PAQR7: variants seen among roughly 807,000 people sequenced by gnomAD.
PAQR7 encodes progestin and adipoQ receptor family member 7, also known as membrane progestin receptor alpha.
A neutral mutation model predicts 24.6 loss-of-function variants in PAQR7; 14 were observed. That is an observed-to-expected ratio of 0.57 (90% CI 0.38 to 0.89). The LOEUF (loss-of-function observed/expected upper bound fraction) is 0.89. Ranked by LOEUF, PAQR7 falls within the 40% of genes least tolerant of loss-of-function variation. The probability of loss-of-function intolerance (pLI) is 0.00; values close to 1 mark genes in which losing one functional copy is unlikely to be tolerated. For synonymous variants in PAQR7, 189 were observed against 198.8 expected (o/e 0.95, Z 0.42); for missense variants, 351 against 444.0 (o/e 0.79, Z 1.88).
chr1:25,868,853 G>A (rs2048579831), intron 2 of PAQR7, among the ~76,000 whole-genome samples: 1 of 151,336 alleles, frequency 6.6e-6, no homozygotes, highest in Admixed American at 6.6e-5. Flanking sequence ...TTGAGGCCGG[G>A]CGCAGTGGCT....
intron 2 of PAQR7, among the ~76,000 whole-genome samples, chr1:25,865,893 G>A (rs111810672): frequency 0.039 from 5,883 of 151,910 alleles, 376 homozygotes; most frequent in African/African-American, 0.13. Context: ...GGCTGAGGCA[G>A]GAGAATTACT....
Position 25,863,013 on chromosome 1 carries a change from T to A in PAQR7, c.827A>T (p.Gln276Leu). ...GSCHVFGQGH[Q>L]LFHIFLVLCT... ...CAGCACCAAGAAGATGTGGAAAAGT[T>A]GGTGGCCCTGCCCGAAGACATGGCA... Residue 276 changes from glutamine (Q) to leucine (L), a missense_variant, in exon 3 of 3, where the codon CAA (glutamine) becomes CTA (leucine). Transcript: ENST00000675840. The surrounding 1 kb of genome is among the most constrained non-coding windows in gnomAD (Gnocchi z 6.1). The A allele has an allele frequency of 6.2e-7, 1 of 1,614,094 alleles. No individual in the cohort carries two copies. Among genetic ancestry groups the A allele is most frequent in the African/African-American group, 1.3e-5 (1 of 75,038 alleles).
Position 25,863,891 on chromosome 1 carries a change from G to C in PAQR7, c.-22-30C>G, listed in dbSNP as rs1276896333. On this transcript the variant is annotated intron_variant, in intron 2 of 2. Transcript: ENST00000675840. This position sits in a 1 kb window ranked among gnomAD's most constrained non-coding sequence, Gnocchi z 6.1. Reference sequence around the variant, plus strand: ...GAGAGAGACCAGAGCAAAGTCAGGGGCCTGGTGTCCTCACCCCCACGAGCA... The same window carrying C: ...GAGAGAGACCAGAGCAAAGTCAGGGCCCTGGTGTCCTCACCCCCACGAGCA... 6.5e-7 allele frequency: 1 copy of C among 1,530,872 alleles called. No homozygotes were observed. Among genetic ancestry groups the C allele is most frequent in the Non-Finnish European group, 8.8e-7 (1 of 1,137,068 alleles). 94.8% of individuals were successfully genotyped at this position (1,530,872 alleles called of 1,614,324 possible). A position where few individuals can be genotyped will look rare whatever the true frequency, so the allele number is the denominator to read the frequency against.
rs756537005 is a variant in PAQR7 at position 25,863,518 on chromosome 1, A to C, written c.322T>G (p.Phe108Val). The C allele has an allele frequency of 6.2e-7, 1 of 1,614,190 alleles. No individual in the cohort carries two copies. The highest frequency in any genetic ancestry group is 8.5e-7 in the Non-Finnish European group (1 of 1,180,026). Residue 108 changes from phenylalanine (F) to valine (V), a missense_variant, in exon 3 of 3, where the codon TTC (phenylalanine) becomes GTC (valine). Transcript: ENST00000675840. This position sits in a 1 kb window ranked among gnomAD's most constrained non-coding sequence, Gnocchi z 6.1. ...FWGDPHALPL[F>V]IIVLASFTYL... ...GTGAAAGAGGCAAGGACAATGATGAAGAGGGGCAGGGCGTGTGGGTCTCCC... is the reference window on the plus strand; with the variant it reads ...GTGAAAGAGGCAAGGACAATGATGACGAGGGGCAGGGCGTGTGGGTCTCCC...
At position 25,863,575 on chromosome 1, in the gene PAQR7, G is replaced by C; in HGVS notation, c.265C>G (p.Leu89Val). The C allele has an allele frequency of 6.2e-7, 1 of 1,614,256 alleles. No individual in the cohort carries two copies. The highest frequency in any genetic ancestry group is 8.5e-7 in the Non-Finnish European group (1 of 1,180,048). Reference protein sequence around the residue: ...LLAALVLLLRLALFVETVDFW... With the variant: ...LLAALVLLLRVALFVETVDFW... ...TCCACGGTCTCCACAAAGAGGGCCAGCCGCAGCAGCAGTACCAGGGCCGCC... is the reference window on the plus strand; with the variant it reads ...TCCACGGTCTCCACAAAGAGGGCCACCCGCAGCAGCAGTACCAGGGCCGCC... The change falls in exon 3 of 3, where the codon CTG (leucine) becomes GTG (valine). Residue 89 changes from leucine (L) to valine (V), a missense_variant. By Grantham distance (32) the Leu-to-Val change is conservative. Coordinates refer to ENST00000675840, the MANE Select transcript of PAQR7 (RefSeq NM_178422.6). The surrounding 1 kb of genome is among the most constrained non-coding windows in gnomAD (Gnocchi z 6.1).
In PAQR7 at chr1:25,875,337, G is replaced by A. The variant is rs1273072413; in HGVS notation, c.-109+151C>T. Among the ~76,000 whole-genome samples the A allele has an allele frequency of 6.6e-6, 1 of 152,116 alleles. No individual in the cohort carries two copies. ...GTGCTCCCCTCCGGCTCCGCGTCCTGCCTGTCTTCCCCGGGTCCCAAGTCC... is the reference window on the plus strand; with the variant it reads ...GTGCTCCCCTCCGGCTCCGCGTCCTACCTGTCTTCCCCGGGTCCCAAGTCC... On this transcript the variant is annotated intron_variant, in intron 1 of 2. Transcript: ENST00000675840. The surrounding 1 kb of genome is among the most constrained non-coding windows in gnomAD (Gnocchi z 5.4).
At position 25,862,094 on chromosome 1, in the gene PAQR7, G is replaced by A. The variant is rs536423018; in HGVS notation, c.*705C>T. ...CAGGGCCCAGTGGTGACCTGCCTCT[G>A]AGCAGAGGCCCAGGAAACACTGAAT... On this transcript the variant is annotated 3_prime_UTR_variant, in exon 3 of 3. Transcript: ENST00000675840. 4 of 147,104 alleles carry A rather than the reference G, an allele frequency of 2.7e-5. No individual in the cohort carries two copies. The highest frequency in any genetic ancestry group is 1.0e-4 in the African/African-American group (4 of 39,898). The allele number at this position is 147,104 out of a possible 1,614,324, so 9.1% of individuals were successfully genotyped here. A position where few individuals can be genotyped will look rare whatever the true frequency, so the allele number is the denominator to read the frequency against.
Position 25,863,965 on chromosome 1 carries a change from G to T in PAQR7, c.-22-104C>A. 1 of 808,928 alleles carries T rather than the reference G, an allele frequency of 1.2e-6. No homozygotes were observed. Among genetic ancestry groups the T allele is most frequent in the Non-Finnish European group, 1.9e-6 (1 of 524,826 alleles). 50.1% of individuals were successfully genotyped at this position (808,928 alleles called of 1,614,324 possible). Reference sequence around the variant, plus strand: ...AAATCCTACTCCCTCCTCTCCGACAGCCTTATCCTTACACTCGGTTTAAGA... The same window carrying T: ...AAATCCTACTCCCTCCTCTCCGACATCCTTATCCTTACACTCGGTTTAAGA... On this transcript the variant is annotated intron_variant, in intron 2 of 2. Transcript: ENST00000675840. This position sits in a 1 kb window ranked among gnomAD's most constrained non-coding sequence, Gnocchi z 6.1.
chr1:25,871,889 C>G (rs1236563770), intron 1 of PAQR7, among the ~76,000 whole-genome samples: 2 of 152,234 alleles, frequency 1.3e-5, no homozygotes, highest in Non-Finnish European at 2.9e-5. Flanking sequence ...CACACAAATG[C>G]CCACAGGGCC....
chr1:25,864,885 G>A (rs1272969437), intron 2 of PAQR7, among the ~76,000 whole-genome samples: 2 of 152,068 alleles, frequency 1.3e-5, no homozygotes, highest in Admixed American at 6.6e-5. Flanking sequence ...GGCCAGGTGC[G>A]GTGGCTCACA....
Position 25,875,594 on chromosome 1 carries a change from GGCCTCGGGCGCTCTGGCTACAGCC to G in PAQR7, c.-239_-216del, listed in dbSNP as rs898753577. Among the ~76,000 whole-genome samples the G allele has an allele frequency of 7.8e-4, 118 of 151,746 alleles. No individual in the cohort carries two copies. The highest frequency in any genetic ancestry group is 2.2e-3 in the Admixed American group (33 of 15,256). ...CGCCCCAAGCCGGGGGAGGGCGGGCGGCCTCGGGCGCTCTGGCTACAGCCGCCTCCGCGGGCCCAGGCGACGCCG... is the reference window on the plus strand; with the variant it reads ...CGCCCCAAGCCGGGGGAGGGCGGGCGGCCTCCGCGGGCCCAGGCGACGCCG... On this transcript the variant is annotated 5_prime_UTR_variant, in exon 1 of 3. Transcript: ENST00000675840. The surrounding 1 kb of genome is among the most constrained non-coding windows in gnomAD (Gnocchi z 5.4).
At chr1:25,871,908 T>C (rs936801404) in intron 1 of PAQR7, among the ~76,000 whole-genome samples, 2 of 152,198 alleles carry the variant, frequency 1.3e-5, no homozygotes, top group Non-Finnish European at 2.9e-5. Flanking sequence ...CCTAGGAAGA[T>C]CCAGCCTGGA....
intron 1 of PAQR7, among the ~76,000 whole-genome samples, chr1:25,871,413 T>C (rs1360262239): frequency 1.3e-5 from 2 of 152,140 alleles, no homozygotes; most frequent in Admixed American, 6.5e-5. Context: ...AAATGGCATA[T>C]GGTCTGGCCT....
chr1:25,873,717 C>T (rs1445082801), intron 1 of PAQR7, among the ~76,000 whole-genome samples: 1 of 151,976 alleles, frequency 6.6e-6, no homozygotes, highest in African/African-American at 2.4e-5. Flanking sequence ...ACCACAGGCA[C>T]ACAACACCAC....
intron 2 of PAQR7, among the ~76,000 whole-genome samples, chr1:25,869,297 C>A (rs1446640556): frequency 6.6e-6 from 1 of 152,058 alleles, no homozygotes; most frequent in South Asian, 2.1e-4. Context: ...CCCAGCTGGG[C>A]GCAGTGGCTC....
At chr1:25,868,709 CAAAAA>C (rs35304131) in intron 2 of PAQR7, among the ~76,000 whole-genome samples, 47 of 89,742 alleles carry the variant, frequency 5.2e-4, no homozygotes, top group Middle Eastern at 7.2e-3. Context: ...GACCCTTTCT[CAAAAA>C]AAAAAAAAAA....
At chr1:25,867,393 AATTTTATACTG>A (rs1190633893) in intron 2 of PAQR7, among the ~76,000 whole-genome samples, 4 of 152,086 alleles carry the variant, frequency 2.6e-5, no homozygotes, top group African/African-American at 9.7e-5. Flanking sequence ...ATCGTTTCCT[AATTTTATACTG>A]TTTTACCTGG....
At position 25,863,224 on chromosome 1, in the gene PAQR7, G is replaced by A. The variant is rs2048526884; in HGVS notation, c.616C>T (p.Gln206Ter). The A allele has an allele frequency of 4.3e-6, 7 of 1,614,254 alleles. No homozygotes were observed. The highest frequency in any genetic ancestry group is 5.9e-6 in the Non-Finnish European group (7 of 1,180,036). The change falls in exon 3 of 3, where the codon CAG becomes TAG. Residue 206 changes from glutamine to a stop codon, truncating the protein, a stop_gained. Transcript: ENST00000675840. LOFTEE classifies it high-confidence loss of function. The surrounding 1 kb of genome is among the most constrained non-coding windows in gnomAD (Gnocchi z 6.1). ...TAGGCCAGGACGGAGGGCACCTCCTGGCATGTGCGGCCCAGCAGGCCTGGT... is the reference window on the plus strand; with the variant it reads ...TAGGCCAGGACGGAGGGCACCTCCTAGCATGTGCGGCCCAGCAGGCCTGGT... ...QKPGLLGRTCQEVPSVLAYAL... is the reference protein window; with the variant it reads ...QKPGLLGRTC
At chr1:25,873,760 A>G (rs1244125026) in intron 1 of PAQR7, among the ~76,000 whole-genome samples, 1 of 152,088 alleles carries the variant, frequency 6.6e-6, no homozygotes, top group Admixed American at 6.6e-5. Context: ...GTGTAGAGAC[A>G]AGGTCTCACT....
Sources: allele counts gnomAD v4.1 joint callset (sites outside exome capture counted in the v4.1 genomes callset), GRCh38; gene constraint gnomAD v4.1.1; non-coding constraint Gnocchi (gnomAD v3.1); transcripts MANE v1.5; gene names NCBI Gene and HGNC (gene_info 2026-07-23, HGNC 2026-07-21).